The following KLHL13 variants were observed in gnomAD, a reference collection of about 807,000 sequenced individuals.
KLHL13 encodes kelch like family member 13.
Under a neutral mutation model 37.1 loss-of-function variants are expected in KLHL13, and 10 were observed. The observed-to-expected ratio is 0.27, with a 90% CI of 0.17 to 0.46. The LOEUF (loss-of-function observed/expected upper bound fraction) is 0.46. KLHL13 is among the 20% of genes least tolerant of loss of function. The pLI is 1.00. For missense variants in KLHL13, 360 were observed against 509.3 expected, an observed-to-expected ratio of 0.71 and a Z score of 2.82; for synonymous variants, 163 against 181.2, an observed-to-expected ratio of 0.90 and a Z score of 0.81.
At chrX:117,909,933 G>C in exon 5 of KLHL13, 4 of 1,211,577 alleles carry the variant, frequency 3.3e-6, no homozygotes, top group Non-Finnish European at 4.5e-6. Flanking sequence ...GCTATTACTG[G>C]AAAGCACGAA....
chrX:118,082,588 T>C (rs2055008481), intron 1 of KLHL13, among the ~76,000 whole-genome samples: 2 of 111,661 alleles, frequency 1.8e-5, no homozygotes, highest in African/African-American at 3.2e-5. Context: ...CCTAGCTGTG[T>C]AGAAGCTTTC....
At chrX:117,958,708 C>T (rs148863849) in intron 1 of KLHL13, among the ~76,000 whole-genome samples, 5,858 of 109,076 alleles carry the variant, frequency 0.054, 403 homozygotes, top group African/African-American at 0.18. Context: ...TACTTGCTTG[C>T]TAAGAGATGA....
intron 1 of KLHL13, among the ~76,000 whole-genome samples, chrX:117,979,788 A>AAT (rs1243962332): frequency 2.8e-5 from 3 of 106,153 alleles, no homozygotes; most frequent in Non-Finnish European, 5.9e-5. Flanking sequence ...AATCATCCAG[A>AAT]ATATATATAT....
At chrX:118,048,608 G>C (rs938460790) in intron 1 of KLHL13, among the ~76,000 whole-genome samples, 4 of 112,060 alleles carry the variant, frequency 3.6e-5, no homozygotes, top group Non-Finnish European at 5.6e-5. Context: ...AACAAAAAAA[G>C]TAGAAAATAT....
intron 1 of KLHL13, among the ~76,000 whole-genome samples, chrX:117,991,242 A>C (rs1328349790): frequency 1.8e-5 from 2 of 110,774 alleles, no homozygotes; most frequent in Non-Finnish European, 3.8e-5. Context: ...CTAGTTGGTA[A>C]TACAAAAGTC....
intron 1 of KLHL13, among the ~76,000 whole-genome samples, chrX:118,082,643 A>G (rs776204735): frequency 6.3e-5 from 7 of 111,525 alleles, no homozygotes; most frequent in Non-Finnish European, 1.3e-4. Flanking sequence ...TATGTTGTCT[A>G]TGCTTTTGAA....
chrX:118,035,025 TC>T (rs2054417703), intron 1 of KLHL13, among the ~76,000 whole-genome samples: 1 of 94,428 alleles, frequency 1.1e-5, no homozygotes, highest in Non-Finnish European at 2.0e-5. Flanking sequence ...ACATACACTC[TC>T]CCAAGACTAA....
At chrX:117,947,366 T>TCTTTC (rs1194213929) in intron 1 of KLHL13, 2 of 112,217 alleles carry the variant, frequency 1.8e-5, no homozygotes, top group Non-Finnish European at 3.8e-5. Flanking sequence ...TACAGAATCT[T>TCTTTC]CTTTCTGTAG....
At chrX:118,109,435 C>A (rs1191699914) in intron 1 of KLHL13, among the ~76,000 whole-genome samples, 3 of 112,076 alleles carry the variant, frequency 2.7e-5, no homozygotes, top group Non-Finnish European at 5.6e-5. Flanking sequence ...CACAGCTGCC[C>A]TTGCAAGCAG....
At chrX:118,115,815 A>G (rs889399673) in intron 1 of KLHL13, among the ~76,000 whole-genome samples, 5 of 112,378 alleles carry the variant, frequency 4.4e-5, no homozygotes, top group African/African-American at 1.6e-4. Flanking sequence ...AAGTTAATGA[A>G]ACCTAGAAAG....
intron 1 of KLHL13, among the ~76,000 whole-genome samples, chrX:118,087,599 T>A (rs2055069988): frequency 9.0e-6 from 1 of 111,417 alleles, no homozygotes; most frequent in Non-Finnish European, 1.9e-5. Context: ...GAAATAAGAT[T>A]TCTGACTTCT....
At chrX:117,981,886 A>G (rs1052232604) in intron 1 of KLHL13, among the ~76,000 whole-genome samples, 2 of 111,273 alleles carry the variant, frequency 1.8e-5, no homozygotes, top group African/African-American at 6.5e-5. Flanking sequence ...CACATCTGTC[A>G]ACTAAAATAC....
intron 1 of KLHL13, among the ~76,000 whole-genome samples, chrX:118,020,948 A>C (rs1370336188): frequency 3.5e-5 from 3 of 86,042 alleles, no homozygotes; most frequent in African/African-American, 1.3e-4. Flanking sequence ...CAATGAGAAC[A>C]CATGGACACA....
At chrX:117,918,461 T>TA (rs1931496505) in intron 4 of KLHL13, among the ~76,000 whole-genome samples, 1 of 111,478 alleles carries the variant, frequency 9.0e-6, no homozygotes, top group Non-Finnish European at 1.9e-5. Context: ...TCATATGAGT[T>TA]AAAAAATTAT....
chrX:117,950,803 T>G (rs1425935123), intron 1 of KLHL13, among the ~76,000 whole-genome samples: 1 of 112,569 alleles, frequency 8.9e-6, no homozygotes, highest in African/African-American at 3.2e-5. Flanking sequence ...CATTTGTTTT[T>G]CTGCTCTGAA....
At chrX:118,026,036 G>A (rs1177441081) in intron 1 of KLHL13, among the ~76,000 whole-genome samples, 1 of 111,443 alleles carries the variant, frequency 9.0e-6, no homozygotes, top group Admixed American at 9.6e-5. Flanking sequence ...ATGGATAAAG[G>A]GGGACTACTG....
intron 1 of KLHL13, among the ~76,000 whole-genome samples, chrX:118,049,260 T>G (rs765185720): frequency 2.7e-5 from 3 of 111,482 alleles, no homozygotes; most frequent in African/African-American, 9.8e-5. Context: ...AAAAGAAAAC[T>G]GACAGAAAGG....
At chrX:117,933,773 GC>G (rs1932593546) in intron 2 of KLHL13, among the ~76,000 whole-genome samples, 1 of 110,924 alleles carries the variant, frequency 9.0e-6, no homozygotes, top group Non-Finnish European at 1.9e-5. Context: ...CTGATCATAG[GC>G]ATACAGAAAC....
chrX:118,051,140 T>C (rs778115265), intron 1 of KLHL13, among the ~76,000 whole-genome samples: 5 of 110,723 alleles, frequency 4.5e-5, no homozygotes, highest in Admixed American at 2.9e-4. Context: ...CAATATCATA[T>C]TCTATAAGTA....
Sources: allele counts gnomAD v4.1 joint callset (sites outside exome capture counted in the v4.1 genomes callset), GRCh38; gene constraint gnomAD v4.1.1; transcripts MANE v1.5; gene names NCBI Gene and HGNC (gene_info 2026-07-23, HGNC 2026-07-21).